Variants in NUP214 observed in about 807,000 individuals in gnomAD.
NUP214 encodes the protein nuclear pore complex protein Nup214.
NUP214 carries 79 observed loss-of-function variants against 196.2 expected under a neutral mutation model. The ratio of observed to expected loss-of-function variants is 0.40; its 90% CI spans 0.34 to 0.49. The LOEUF is 0.49. NUP214 is among the 20% of genes least tolerant of loss of function. NUP214 has a pLI of 0.58. For synonymous variants in NUP214, 1,020 were observed against 990.5 expected, an observed-to-expected ratio of 1.03 and a Z score of -0.56; for missense variants, 2,468 against 2,539.0, an observed-to-expected ratio of 0.97 and a Z score of 0.60.
rs766111648 is a variant in NUP214 at position 131,144,766 on chromosome 9, C to G, written c.1769+12C>G. 1 of 1,551,894 alleles carries G rather than the reference C, an allele frequency of 6.4e-7. No homozygotes were observed. The highest frequency in any genetic ancestry group is 8.8e-7 in the Non-Finnish European group (1 of 1,139,832). On this transcript the variant is annotated intron_variant, in intron 12 of 35. Coordinates refer to ENST00000359428, the MANE Select transcript of NUP214 (RefSeq NM_005085.4). ...AACCTTAGTGAAAAGTAAGTCACTT[C>G]TAAAGTTTGATTCTTCTGTGAGTTG...
Position 131,140,615 on chromosome 9 carries a change from C to T in NUP214, c.1199C>T (p.Pro400Leu). The stretch of plus-strand genomic sequence containing the variant: ...CTTTCAACAGATGGTGTGCTTTGTC[C>T]ATTTTATATGATTAATCAAAATCCT... ...MLLSTDGVLC[P>L]FYMINQNPGV... Residue 400 changes from proline (P) to leucine (L), a missense_variant, in exon 11 of 36, where the codon CCA (proline) becomes CTA (leucine). Pro to Leu is a moderately conservative substitution (Grantham distance 98). This residue lies in a region of NUP214 where 1,801 missense variants were observed against 1,779.4 expected (regional missense o/e 1.01). Transcript: ENST00000359428. 6.2e-7 allele frequency: 1 copy of T among 1,613,896 alleles called. No individual in the cohort carries two copies. Among genetic ancestry groups the T allele is most frequent in the Middle Eastern group, 1.7e-4 (1 of 6,060 alleles).
chr9:131,179,975 C>G (rs547985702), intron 24 of NUP214, among the ~76,000 whole-genome samples: 8 of 152,314 alleles, frequency 5.3e-5, no homozygotes, highest in Non-Finnish European at 1.2e-4. Context: ...GCATATGGTA[C>G]AGGAAGTATT....
At chr9:131,161,193 T>C (rs528553354) in intron 18 of NUP214, among the ~76,000 whole-genome samples, 1 of 152,306 alleles carries the variant, frequency 6.6e-6, no homozygotes, top group Non-Finnish European at 1.5e-5. Flanking sequence ...TACAATTTTC[T>C]ATTTTGATAG....
chr9:131,181,613 A>G (rs1833280621), intron 24 of NUP214, among the ~76,000 whole-genome samples: 1 of 152,094 alleles, frequency 6.6e-6, no homozygotes, highest in Non-Finnish European at 1.5e-5. Flanking sequence ...TCACGTGCTT[A>G]TTGGCCAGTT....
intron 26 of NUP214, 197 bp from the exon 27 acceptor site, chr9:131,192,011 A>G (rs895803540): frequency 2.2e-6 from 1 of 449,266 alleles, no homozygotes. Flanking sequence ...AGAGCCACGG[A>G]GCAATTTCAG....
chr9:131,163,177 T>C lies in NUP214; in HGVS notation c.2723+4T>C. On this transcript the variant is annotated splice_donor_region_variant and intron_variant, in intron 19 of 35. Coordinates refer to ENST00000359428, the MANE Select transcript of NUP214 (RefSeq NM_005085.4). ...CTTCCCAGAGCAGCATTCACAGGTG[T>C]GGAGAGGACTTGCACTCAATAAATA... 6.2e-7 allele frequency: 1 copy of C among 1,606,296 alleles called. No individual in the cohort carries two copies. The highest frequency in any genetic ancestry group is 8.5e-7 in the Non-Finnish European group (1 of 1,177,524).
At chr9:131,143,011 A>T (rs79290603) in intron 11 of NUP214, among the ~76,000 whole-genome samples, 1 of 152,114 alleles carries the variant, frequency 6.6e-6, no homozygotes, top group Non-Finnish European at 1.5e-5. Flanking sequence ...AGAAAAAAAA[A>T]TTATTCATTT....
At chr9:131,233,188 A>T (rs1401893240) in intron 35 of NUP214, among the ~76,000 whole-genome samples, 1 of 151,868 alleles carries the variant, frequency 6.6e-6, no homozygotes, top group Non-Finnish European at 1.5e-5. Flanking sequence ...AACACACAAG[A>T]ATTAGCCAGG....
intron 21 of NUP214, chr9:131,167,247 T>C (rs1832810177): frequency 1.3e-5 from 2 of 152,228 alleles, no homozygotes. Context: ...CATAAATCCA[T>C]TCACTTAGTC....
intron 21 of NUP214, among the ~76,000 whole-genome samples, chr9:131,165,010 A>G (rs1190426997): frequency 1.3e-5 from 2 of 152,264 alleles, no homozygotes; most frequent in Non-Finnish European, 2.9e-5. Context: ...CTGTACTCAC[A>G]TAGAGCTAAA....
chr9:131,154,963 A>G (rs190973594), intron 17 of NUP214, among the ~76,000 whole-genome samples: 3 of 152,346 alleles, frequency 2.0e-5, no homozygotes, highest in Admixed American at 1.3e-4. Flanking sequence ...ATGCGTGTGC[A>G]AGTGTCTTTT....
intron 30 of NUP214, among the ~76,000 whole-genome samples, chr9:131,206,421 G>C (rs1834090119): frequency 6.6e-6 from 1 of 151,260 alleles, no homozygotes; most frequent in South Asian, 2.1e-4. Flanking sequence ...GCTGAGATTA[G>C]AGACATGAGC....
At chr9:131,139,659 A>G (rs1370714333) in intron 10 of NUP214, among the ~76,000 whole-genome samples, 4 of 152,210 alleles carry the variant, frequency 2.6e-5, no homozygotes, top group Non-Finnish European at 2.9e-5. Context: ...ACACTTGCAC[A>G]TGTCTGGGTG....
intron 30 of NUP214, among the ~76,000 whole-genome samples, chr9:131,213,273 T>C (rs1008730016): frequency 6.6e-6 from 1 of 151,958 alleles, no homozygotes; most frequent in African/African-American, 2.4e-5. Context: ...CCTCCCGGGT[T>C]CAAGCGATTC....
chr9:131,207,807 G>A (rs1834125674), intron 30 of NUP214, among the ~76,000 whole-genome samples: 3 of 152,246 alleles, frequency 2.0e-5, no homozygotes, highest in Admixed American at 2.0e-4. Flanking sequence ...TGTGAGCACT[G>A]TGGCACAGCA....
At chr9:131,219,886 T>C (rs888013943) in intron 31 of NUP214, among the ~76,000 whole-genome samples, 5 of 152,346 alleles carry the variant, frequency 3.3e-5, no homozygotes, top group South Asian at 2.1e-4. Flanking sequence ...GGAGTATGCA[T>C]TGAATTCTTG....
At chr9:131,216,062 C>G (rs1293550695) in intron 31 of NUP214, among the ~76,000 whole-genome samples, 1 of 151,826 alleles carries the variant, frequency 6.6e-6, no homozygotes, top group Admixed American at 6.6e-5. Flanking sequence ...GCTATCACGC[C>G]TGGCTGATTT....
chr9:131,187,091 T>A, intron 24 of NUP214, 198 bp from the exon 25 acceptor site: 2 of 565,324 alleles, frequency 3.5e-6, no homozygotes, highest in Non-Finnish European at 6.4e-6. Flanking sequence ...CTGCTTTGAC[T>A]TTCATGCTAA....
intron 21 of NUP214, 83 bp downstream of exon 21, chr9:131,164,227 G>A: frequency 2.5e-6 from 3 of 1,206,802 alleles, no homozygotes; most frequent in Non-Finnish European, 3.7e-6. Context: ...ATGCACGTGT[G>A]CATGTGTGAG....
Sources: gnomAD v4.1 joint callset for allele counts (sites outside exome capture counted in the v4.1 genomes callset) on GRCh38, gnomAD v4.1.1 for gene constraint, gnomAD v4.1.1 regional missense constraint, MANE v1.5 for transcripts, NCBI Gene and HGNC (gene_info 2026-07-23, HGNC 2026-07-21) for gene names.